Variants in CNTLN observed in about 807,000 individuals in gnomAD.
CNTLN encodes centlein, centrosomal protein.
A neutral mutation model predicts 180.0 loss-of-function variants in CNTLN; 212 were observed. The ratio of observed to expected loss-of-function variants is 1.18; its 90% CI spans 1.05 to 1.32. The LOEUF is 1.32. Among genes scored for constraint, CNTLN ranks in the 40% most tolerant of loss-of-function variants. The pLI, the probability that CNTLN is intolerant of heterozygous loss-of-function variation, is 0.00. For missense variants in CNTLN, 2,095 were observed against 1,610.9 expected (o/e 1.30, Z -5.14); for synonymous variants, 722 against 563.1 (o/e 1.28, Z -3.99).
chr9:17,421,708 T>C (rs1233114918), intron 18 of CNTLN, among the ~76,000 whole-genome samples: 1 of 152,166 alleles, frequency 6.6e-6, no homozygotes, highest in African/African-American at 2.4e-5. Flanking sequence ...AATTTCATGC[T>C]TTAGTGTGTG....
In CNTLN at chr9:17,309,045, T is replaced by G; in HGVS notation, c.1147-13T>G. 2 of 1,529,808 alleles carry G rather than the reference T, an allele frequency of 1.3e-6. No individual in the cohort carries two copies. 94.8% of individuals were successfully genotyped at this position (1,529,808 alleles called of 1,614,324 possible). On this transcript the variant is annotated splice_polypyrimidine_tract_variant and intron_variant, in intron 7 of 25. Coordinates refer to ENST00000380647, the MANE Select transcript of CNTLN (RefSeq NM_017738.4). ...TGATTATTAATATAATTTGGATATA[T>G]TTTTTGAAACAGCTTTACAATGAGT...
intron 13 of CNTLN, among the ~76,000 whole-genome samples, chr9:17,379,752 C>T (rs1235071420): frequency 6.6e-6 from 1 of 152,146 alleles, no homozygotes; most frequent in African/African-American, 2.4e-5. Flanking sequence ...ATATATATTT[C>T]CTATTTTCTG....
At chr9:17,182,786 A>G (rs765253727) in intron 2 of CNTLN, among the ~76,000 whole-genome samples, 14 of 152,194 alleles carry the variant, frequency 9.2e-5, no homozygotes, top group African/African-American at 3.1e-4. Context: ...GTGAATTAAA[A>G]CAGCATTCCA....
chr9:17,288,083 C>T (rs1009527437), intron 6 of CNTLN, among the ~76,000 whole-genome samples: 1 of 134,060 alleles, frequency 7.5e-6, no homozygotes, highest in Admixed American at 7.3e-5. Flanking sequence ...TTTTCTAGTT[C>T]TTTTAATTGT....
intron 19 of CNTLN, among the ~76,000 whole-genome samples, chr9:17,462,443 A>G (rs1564127302): frequency 6.6e-6 from 1 of 151,794 alleles, no homozygotes; most frequent in African/African-American, 2.4e-5. Context: ...TTTCTGCTGC[A>G]TTCTTTTCGA....
At chr9:17,403,072 A>T (rs1048683473) in intron 15 of CNTLN, among the ~76,000 whole-genome samples, 8 of 151,788 alleles carry the variant, frequency 5.3e-5, no homozygotes, top group African/African-American at 1.9e-4. Context: ...CTTGGAAGGA[A>T]AAGTTGGAAG....
At chr9:17,263,451 A>G (rs1477288777) in intron 5 of CNTLN, among the ~76,000 whole-genome samples, 1 of 151,162 alleles carries the variant, frequency 6.6e-6, no homozygotes, top group African/African-American at 2.5e-5. Context: ...TTTGTTGGGC[A>G]TTTGGATTGG....
At chr9:17,359,738 A>C (rs1184725920) in intron 12 of CNTLN, among the ~76,000 whole-genome samples, 5 of 122,382 alleles carry the variant, frequency 4.1e-5, no homozygotes, top group African/African-American at 5.7e-5. Flanking sequence ...AAAAAAAAAA[A>C]AAAAAAAAAA....
At chr9:17,515,749 C>T in the CNTLN span, among the ~76,000 whole-genome samples, 151 of 152,278 alleles carry the variant, frequency 9.9e-4, no homozygotes, top group African/African-American at 3.4e-3. Flanking sequence ...CAGTTCAGAC[C>T]GTCAACTGAA....
intron 18 of CNTLN, among the ~76,000 whole-genome samples, chr9:17,428,536 A>G (rs1829228530): frequency 6.6e-6 from 1 of 152,118 alleles, no homozygotes; most frequent in Non-Finnish European, 1.5e-5. Context: ...TTTTTGAAAA[A>G]GCTGATTTTG....
chr9:17,247,441 C>G (rs1055993019), intron 5 of CNTLN, among the ~76,000 whole-genome samples: 1 of 152,118 alleles, frequency 6.6e-6, no homozygotes, highest in African/African-American at 2.4e-5. Context: ...TTCCACAGTC[C>G]CTGTGCTCTG....
intron 19 of CNTLN, among the ~76,000 whole-genome samples, chr9:17,458,653 G>A (rs935506405): frequency 1.6e-4 from 24 of 151,972 alleles, no homozygotes; most frequent in African/African-American, 4.8e-4. Context: ...TTTACTCATA[G>A]GATAAATAGG....
chr9:17,142,360 A>G (rs1045249561), intron 1 of CNTLN, among the ~76,000 whole-genome samples: 3 of 152,170 alleles, frequency 2.0e-5, no homozygotes, highest in Non-Finnish European at 4.4e-5. Context: ...AAGATTGGAC[A>G]CCACTGTTTT....
At position 17,466,813 on chromosome 9, in the gene CNTLN, T is replaced by A. The variant is rs762942692; in HGVS notation, c.3777T>A (p.Ser1259Arg). Residue 1259 changes from serine (S) to arginine (R), a missense_variant, in exon 23 of 26, where the codon AGT (serine) becomes AGA (arginine). Ser to Arg is a moderately radical substitution (Grantham distance 110). Coordinates refer to ENST00000380647, the MANE Select transcript of CNTLN (RefSeq NM_017738.4). ...SKQLQELALQ[S>R]EQVLEGAQKT... The stretch of plus-strand genomic sequence containing the variant: ...AGCTTCAAGAATTAGCATTGCAAAG[T>A]GAACAGGTCCTAGAAGGTGCACAGA... 1 of 1,611,198 alleles carries A rather than the reference T, an allele frequency of 6.2e-7. No homozygotes were observed. Among genetic ancestry groups the A allele is most frequent in the Non-Finnish European group, 8.5e-7 (1 of 1,178,010 alleles).
intron 25 of CNTLN, among the ~76,000 whole-genome samples, chr9:17,495,210 G>A (rs1833387892): frequency 2.0e-5 from 3 of 151,672 alleles, no homozygotes; most frequent in African/African-American, 7.3e-5. Context: ...CATTATTTTA[G>A]AGTGTACTCT....
the CNTLN span, among the ~76,000 whole-genome samples, chr9:17,526,553 T>C: frequency 1.3e-5 from 2 of 152,160 alleles, no homozygotes; most frequent in Admixed American, 1.3e-4. Context: ...ATACAATAAG[T>C]GTGCACCAAA....
At chr9:17,137,202 A>C (rs1817779293) in intron 1 of CNTLN, among the ~76,000 whole-genome samples, 1 of 152,226 alleles carries the variant, frequency 6.6e-6, no homozygotes, top group African/African-American at 2.4e-5. Context: ...AGATGGTCAT[A>C]ATAGTCTAGA....
intron 3 of CNTLN, among the ~76,000 whole-genome samples, chr9:17,229,879 G>A (rs1267816410): frequency 6.6e-6 from 1 of 152,130 alleles, no homozygotes; most frequent in East Asian, 1.9e-4. Context: ...GTTAGAGGCA[G>A]AACTCTGGTA....
At chr9:17,359,874 T>A (rs534415239) in intron 12 of CNTLN, among the ~76,000 whole-genome samples, 65 of 151,496 alleles carry the variant, frequency 4.3e-4, no homozygotes, top group Non-Finnish European at 7.4e-4. Flanking sequence ...CACTCCAGCC[T>A]GGGCAACAGA....
Sources: allele counts gnomAD v4.1 joint callset (sites outside exome capture counted in the v4.1 genomes callset), GRCh38; gene constraint gnomAD v4.1.1; transcripts MANE v1.5; gene names NCBI Gene and HGNC (gene_info 2026-07-23, HGNC 2026-07-21).